The following CHD1L variants were observed in gnomAD, a reference collection of about 807,000 sequenced individuals.
The protein encoded by CHD1L is ATP-dependent chromatin remodeler CHD1L.
In CHD1L, 118 loss-of-function variants were observed where a neutral mutation model predicts 115.9. The observed-to-expected ratio is 1.02, with a 90% CI of 0.88 to 1.19. The LOEUF (loss-of-function observed/expected upper bound fraction) is 1.19, where lower values mean the gene tolerates loss of function less well. Ranked by LOEUF, CHD1L falls within the 50% of genes most tolerant of loss-of-function variation. The pLI, the probability that CHD1L is intolerant of heterozygous loss-of-function variation, is 0.00. For synonymous variants in CHD1L, 411 were observed against 387.1 expected (o/e 1.06, Z -0.72); for missense variants, 1,179 against 1,065.3 (o/e 1.11, Z -1.49).
At chr1:147,251,007 T>TGTAAGTG (rs1668240713) in intron 1 of CHD1L, among the ~76,000 whole-genome samples, 3 of 152,218 alleles carry the variant, frequency 2.0e-5, no homozygotes, top group Non-Finnish European at 2.9e-5. Context: ...CTCTCTTGCC[T>TGTAAGTG]GCTGCCATGT....
the CHD1L span, among the ~76,000 whole-genome samples, chr1:147,234,547 C>T: frequency 2.6e-5 from 4 of 152,208 alleles, no homozygotes; most frequent in African/African-American, 7.2e-5. Flanking sequence ...AGTGCCCACA[C>T]GTGGCCTGGC....
At chr1:147,222,916 C>A in the CHD1L span, among the ~76,000 whole-genome samples, 1 of 152,174 alleles carries the variant, frequency 6.6e-6, no homozygotes, top group African/African-American at 2.4e-5. Flanking sequence ...GGCTAAGATG[C>A]TTAGTAAAGA....
chr1:147,233,551 A>C, the CHD1L span, among the ~76,000 whole-genome samples: 3 of 150,098 alleles, frequency 2.0e-5, no homozygotes, highest in Admixed American at 6.6e-5. Flanking sequence ...CCTACTGGGA[A>C]GTGAGAAGCC....
At chr1:147,284,759 A>G (rs2102897986) in intron 16 of CHD1L, among the ~76,000 whole-genome samples, 1 of 152,308 alleles carries the variant, frequency 6.6e-6, no homozygotes, top group East Asian at 1.9e-4. Context: ...AGTCACCCCT[A>G]AAGGCATTCC....
At chr1:147,175,440 C>T in the CHD1L span, 4 of 152,202 alleles carry the variant, frequency 2.6e-5, no homozygotes, top group Non-Finnish European at 4.4e-5. Flanking sequence ...CTATAACCTT[C>T]ACGTGTCAAG....
chr1:147,294,631 C>A, intron 22 of CHD1L, 114 bp downstream of exon 22: 1 of 689,122 alleles, frequency 1.5e-6, no homozygotes, highest in Non-Finnish European at 2.4e-6. Flanking sequence ...ACAGTCTTTA[C>A]TTTCCCCCTC....
At chr1:147,193,781 G>A in the CHD1L span, among the ~76,000 whole-genome samples, 2 of 152,136 alleles carry the variant, frequency 1.3e-5, no homozygotes, top group Admixed American at 1.3e-4. Context: ...AGTCATTCAG[G>A]AGCAGGTTGT....
chr1:147,233,580 C>G, the CHD1L span, among the ~76,000 whole-genome samples: 2 of 152,172 alleles, frequency 1.3e-5, no homozygotes, highest in African/African-American at 4.8e-5. Flanking sequence ...CGGCCACCAC[C>G]CCGTCTGGGA....
In CHD1L at chr1:147,271,006, G is replaced by A. The variant is rs782282847; in HGVS notation, c.1159+1G>A. ...CTCCAAGACTATATGGATTACAGAG[G>A]TGACACCTTTTGGCCACTACATTAC... On this transcript the variant is annotated splice_donor_variant, in intron 11 of 22. Transcript: ENST00000369258. LOFTEE classifies it high-confidence loss of function. 3 of 1,613,406 alleles carry A rather than the reference G, an allele frequency of 1.9e-6. No individual in the cohort carries two copies.
chr1:147,292,953 C>A (rs1686127403), intron 20 of CHD1L, among the ~76,000 whole-genome samples: 2 of 152,120 alleles, frequency 1.3e-5, no homozygotes, highest in African/African-American at 4.8e-5. Flanking sequence ...AAAGTGGTTT[C>A]TGTTGAGTCA....
chr1:147,254,664 A>C (rs931614395), intron 2 of CHD1L, among the ~76,000 whole-genome samples: 24 of 152,220 alleles, frequency 1.6e-4, no homozygotes, highest in African/African-American at 5.3e-4. Context: ...ATTGAGTTCC[A>C]TAAATTTCCG....
the CHD1L span, chr1:147,184,726 CTGTTAG>C: frequency 2.3e-6 from 3 of 1,309,806 alleles, no homozygotes; most frequent in African/African-American, 4.6e-5. The surrounding 1 kb of genome is among the most constrained non-coding windows in gnomAD (Gnocchi z 4.4). Context: ...TGACTTATTA[CTGTTAG>C]TGTTAATCTT....
the CHD1L span, chr1:147,178,170 C>T: frequency 3.7e-6 from 6 of 1,610,738 alleles, no homozygotes; most frequent in South Asian, 2.2e-5. Context: ...TCGCCGCGGC[C>T]CGCCTCGCGG....
At position 147,242,825 on chromosome 1, in the gene CHD1L, TG is replaced by T; in HGVS notation, c.123del (p.Thr42GlnfsTer13). The T allele has an allele frequency of 7.8e-7, 1 of 1,278,104 alleles. No homozygotes were observed. Among genetic ancestry groups the T allele is most frequent in the Non-Finnish European group, 9.9e-7 (1 of 1,005,538 alleles). The allele number at this position is 1,278,104 out of a possible 1,614,324, so 79.2% of individuals were successfully genotyped here. ...GAGCAGGACTTACGGCAGTGGGGGC[TG>T]ACAGGTGAGCGGGCTCCGGGCGGAC... ...VQEQDLRQWGLTGIHLRSYQL... is the reference protein window; with the variant it reads ...VQEQDLRQWGXTGIHLRSYQL... On this transcript the variant is annotated frameshift_variant, in exon 1 of 23. Coordinates refer to ENST00000369258, the MANE Select transcript of CHD1L (RefSeq NM_004284.6). LOFTEE classifies it high-confidence loss of function.
intron 19 of CHD1L, among the ~76,000 whole-genome samples, chr1:147,290,912 C>T (rs1685273795): frequency 6.6e-6 from 1 of 152,128 alleles, no homozygotes. Flanking sequence ...CTCAGCCTCC[C>T]AAAGCACTGG....
intron 6 of CHD1L, chr1:147,260,651 TCCC>T (rs1475849737): frequency 2.0e-5 from 3 of 152,126 alleles, no homozygotes; most frequent in African/African-American, 7.2e-5. Context: ...GTTGTACCCT[TCCC>T]CCCAATTTAC....
intron 1 of CHD1L, among the ~76,000 whole-genome samples, chr1:147,247,683 G>A (rs1553934431): frequency 6.6e-6 from 1 of 152,136 alleles, no homozygotes; most frequent in East Asian, 1.9e-4. Flanking sequence ...TGAATATGTT[G>A]TATGGTCCAT....
chr1:147,218,360 C>T, the CHD1L span, among the ~76,000 whole-genome samples: 1 of 152,034 alleles, frequency 6.6e-6, no homozygotes, highest in Non-Finnish European at 1.5e-5. Flanking sequence ...CTCAGCCTCC[C>T]GAGTAGCTGG....
chr1:147,238,154 CAAGA>C (rs1664644974), upstream of CHD1L, among the ~76,000 whole-genome samples: 1 of 152,112 alleles, frequency 6.6e-6, no homozygotes, highest in Non-Finnish European at 1.5e-5. Context: ...TCATTTCTTG[CAAGA>C]AAGAAAACCC....
Sources: allele counts gnomAD v4.1 joint callset (sites outside exome capture counted in the v4.1 genomes callset), GRCh38; gene constraint gnomAD v4.1.1; non-coding constraint Gnocchi (gnomAD v3.1); transcripts MANE v1.5; gene names NCBI Gene and HGNC (gene_info 2026-07-23, HGNC 2026-07-21).